The following PLCL2 variants were observed in gnomAD, a reference collection of about 807,000 sequenced individuals.
PLCL2 encodes inactive phospholipase C-like protein 2.
In PLCL2, 4 loss-of-function variants were observed where a neutral mutation model predicts 79.6. That is an observed-to-expected ratio of 0.05 (90% CI 0.02 to 0.11). The LOEUF is 0.11. Among genes scored for constraint, PLCL2 ranks in the 10% least tolerant of loss-of-function variants. The pLI is 1.00. For synonymous variants in PLCL2, 484 were observed against 457.7 expected (o/e 1.06, Z -0.73); for missense variants, 895 against 1,291.0 (o/e 0.69, Z 4.70).
chr3:16,886,481 A>G lies in PLCL2; in HGVS notation c.327+1115A>G, dbSNP rs1438899387. On this transcript the variant is annotated intron_variant, in intron 1 of 5. Coordinates refer to ENST00000615277, the MANE Select transcript of PLCL2 (RefSeq NM_001144382.2). This position sits in a 1 kb window ranked among gnomAD's most constrained non-coding sequence, Gnocchi z 4.2. ...CTACAGAAATCTTCCAAGTACTGTG[A>G]AAATGTCTGATGGTGTTATCAACTT... is the stretch of plus-strand genomic sequence containing the variant. Among the ~76,000 whole-genome samples, 1 of 152,232 alleles carries G rather than the reference A, an allele frequency of 6.6e-6. No homozygotes were observed. The highest frequency in any genetic ancestry group is 6.5e-5 in the Admixed American group (1 of 15,290).
chr3:17,030,733 A>T (rs955096989), intron 3 of PLCL2, among the ~76,000 whole-genome samples: 1 of 152,008 alleles, frequency 6.6e-6, no homozygotes, highest in African/African-American at 2.4e-5. Context: ...TGCTGTGTTT[A>T]AAAAAAGTAT....
chr3:16,971,304 A>G (rs1423445313), intron 1 of PLCL2, among the ~76,000 whole-genome samples: 3 of 152,132 alleles, frequency 2.0e-5, no homozygotes, highest in Admixed American at 6.5e-5. Context: ...TCCCCGCACC[A>G]TTTATTAAAT....
At chr3:17,016,007 G>A (rs923547210) in intron 3 of PLCL2, among the ~76,000 whole-genome samples, 13 of 152,288 alleles carry the variant, frequency 8.5e-5, no homozygotes, top group Admixed American at 7.8e-4. Flanking sequence ...ATCACATGGG[G>A]GGAAAGTTCC....
intron 1 of PLCL2, among the ~76,000 whole-genome samples, chr3:16,957,541 A>G (rs1022085778): frequency 3.9e-5 from 6 of 152,148 alleles, no homozygotes; most frequent in African/African-American, 1.4e-4. Flanking sequence ...GATGTCTGTT[A>G]GGTCTGCTTG....
At chr3:16,915,391 C>T (rs1696969953) in intron 1 of PLCL2, among the ~76,000 whole-genome samples, 2 of 152,084 alleles carry the variant, frequency 1.3e-5, no homozygotes, top group Admixed American at 6.5e-5. Context: ...GATATTTAGC[C>T]AAACCATGAA....
At chr3:17,083,113 A>T (rs1326670115) in intron 5 of PLCL2, among the ~76,000 whole-genome samples, 2 of 152,024 alleles carry the variant, frequency 1.3e-5, no homozygotes, top group African/African-American at 4.8e-5. Flanking sequence ...GACAGACAAT[A>T]AACCAAGCAG....
intron 3 of PLCL2, among the ~76,000 whole-genome samples, chr3:17,023,970 A>G (rs1402032274): frequency 1.3e-5 from 2 of 152,132 alleles, no homozygotes; most frequent in Non-Finnish European, 2.9e-5. Context: ...TGTTGAAGCC[A>G]CCCAGCCTGC....
Position 17,013,910 on chromosome 3 carries a change from TTA to T in PLCL2, c.2815-795_2815-794del, listed in dbSNP as rs368362530. On this transcript the variant is annotated intron_variant, in intron 2 of 5. Transcript: ENST00000615277. ...GTGACGCTAGACAAACAGAGAAGGATTATAGCTAAGGCTCAGTCTTCTCATCC... is the reference window on the plus strand; with the variant it reads ...GTGACGCTAGACAAACAGAGAAGGATTAGCTAAGGCTCAGTCTTCTCATCC... Among the ~76,000 whole-genome samples, 314 of 152,340 alleles carry T rather than the reference TTA, an allele frequency of 2.1e-3. 1 individual carries two copies. Among genetic ancestry groups the T allele is most frequent in the African/African-American group, 5.8e-3 (241 of 41,582 alleles).
chr3:16,976,912 C>G (rs549534936), intron 1 of PLCL2, among the ~76,000 whole-genome samples: 3 of 152,222 alleles, frequency 2.0e-5, no homozygotes, highest in Non-Finnish European at 2.9e-5. Flanking sequence ...GAGTCCCAAA[C>G]TCCTGGTCCC....
intron 1 of PLCL2, among the ~76,000 whole-genome samples, chr3:16,890,162 A>G (rs924266377): frequency 6.6e-6 from 1 of 152,234 alleles, no homozygotes; most frequent in Admixed American, 6.5e-5. Context: ...GGTTTTCAAA[A>G]GCAGAGTATA....
At chr3:17,060,235 A>G (rs2064936899) in intron 4 of PLCL2, among the ~76,000 whole-genome samples, 1 of 152,218 alleles carries the variant, frequency 6.6e-6, no homozygotes, top group Admixed American at 6.5e-5. Context: ...CTGGCAGAAG[A>G]AGAAAACCTC....
intron 3 of PLCL2, among the ~76,000 whole-genome samples, chr3:17,019,579 TTATTCATGTGGGGCTCTTGAAG>T (rs2064425399): frequency 6.6e-6 from 1 of 152,042 alleles, no homozygotes; most frequent in Non-Finnish European, 1.5e-5. Flanking sequence ...TAATATACAG[TTATTCATGTGGGGCTCTTGAAG>T]TCACAGGCAC....
At chr3:17,052,578 CAAA>C (rs1023146340) in intron 4 of PLCL2, among the ~76,000 whole-genome samples, 2 of 152,034 alleles carry the variant, frequency 1.3e-5, no homozygotes, top group African/African-American at 4.8e-5. Context: ...AGTGAAAAAG[CAAA>C]AAAGACAGAA....
intron 3 of PLCL2, among the ~76,000 whole-genome samples, chr3:17,025,413 T>C (rs2064506320): frequency 1.3e-5 from 2 of 152,164 alleles, no homozygotes; most frequent in Admixed American, 6.6e-5. Flanking sequence ...AAATTGTTAG[T>C]GGTGAGACAT....
intron 1 of PLCL2, among the ~76,000 whole-genome samples, chr3:16,931,132 C>A (rs1419225525): frequency 6.6e-6 from 1 of 151,240 alleles, no homozygotes; most frequent in Non-Finnish European, 1.5e-5. Flanking sequence ...AAGATGCATT[C>A]ACTTCTTCCT....
chr3:17,041,758 C>T (rs1203595139), intron 3 of PLCL2, among the ~76,000 whole-genome samples: 1 of 152,046 alleles, frequency 6.6e-6, no homozygotes, highest in Non-Finnish European at 1.5e-5. Context: ...GCCTGGGCAA[C>T]ATAGCAAGAT....
chr3:17,048,013 C>T (rs899901337), intron 4 of PLCL2, among the ~76,000 whole-genome samples: 1 of 152,084 alleles, frequency 6.6e-6, no homozygotes, highest in Non-Finnish European at 1.5e-5. Flanking sequence ...GGCCCCGACA[C>T]ACTCCTGCAT....
At chr3:17,077,005 T>G (rs1013866082) in intron 5 of PLCL2, among the ~76,000 whole-genome samples, 1 of 152,184 alleles carries the variant, frequency 6.6e-6, no homozygotes, top group African/African-American at 2.4e-5. Flanking sequence ...CAATAGCCGT[T>G]TTCCAGCCTC....
chr3:16,957,396 GTTTGTTATAAT>G (rs2063716310), intron 1 of PLCL2, among the ~76,000 whole-genome samples: 1 of 152,170 alleles, frequency 6.6e-6, no homozygotes, highest in South Asian at 2.1e-4. Flanking sequence ...CTGAGAGACA[GTTTGTTATAAT>G]TTCTGTTCTT....
Sources: allele counts gnomAD v4.1 joint callset (sites outside exome capture counted in the v4.1 genomes callset), GRCh38; gene constraint gnomAD v4.1.1; non-coding constraint Gnocchi (gnomAD v3.1); transcripts MANE v1.5; gene names NCBI Gene and HGNC (gene_info 2026-07-23, HGNC 2026-07-21).